Variants in AHDC1 observed in about 807,000 individuals in gnomAD.
AHDC1 encodes AT-hook DNA binding motif containing 1.
A neutral mutation model predicts 87.9 loss-of-function variants in AHDC1; 7 were observed. That is an observed-to-expected ratio of 0.08 (90% confidence interval 0.05 to 0.15). The LOEUF is 0.15. Among genes scored for constraint, AHDC1 ranks in the 10% least tolerant of loss-of-function variants. AHDC1 has a pLI of 1.00. For missense variants in AHDC1, 1,841 were observed against 2,253.2 expected, an observed-to-expected ratio of 0.82 and a Z score of 3.70; for synonymous variants, 1,051 against 1,006.8, an observed-to-expected ratio of 1.04 and a Z score of -0.83.
intron 3 of AHDC1, among the ~76,000 whole-genome samples, chr1:27,581,377 G>A (rs955649419): frequency 4.0e-5 from 6 of 151,368 alleles, no homozygotes; most frequent in Non-Finnish European, 8.8e-5. Flanking sequence ...AAAGCCCCTA[G>A]GTCTCATCAT....
At position 27,548,154 on chromosome 1, in the gene AHDC1, C is replaced by T; in HGVS notation, c.3962G>A (p.Ser1321Asn). 1 of 1,613,820 alleles carries T rather than the reference C, an allele frequency of 6.2e-7. No individual in the cohort carries two copies. The highest frequency in any genetic ancestry group is 8.5e-7 in the Non-Finnish European group (1 of 1,180,042). Residue 1321 changes from serine to asparagine, a missense_variant, in exon 8 of 9, where the codon AGC becomes AAC. Transcript: ENST00000673934. ...DLGLDYYSGD[S>N]SMSPLPSQSR... ...CTGTGAGGGCAGTGGTGACATGCTG[C>T]TGTCCCCGCTATAGTAGTCCAGGCC...
chr1:27,601,401 A>G (rs1434353076), intron 3 of AHDC1, among the ~76,000 whole-genome samples: 1 of 152,202 alleles, frequency 6.6e-6, no homozygotes, highest in Non-Finnish European at 1.5e-5. Context: ...CCACCTGGGC[A>G]TCTGCCCCAA....
rs1167763504 is a variant in AHDC1 at position 27,562,421 on chromosome 1, A to AG, written c.-628-3539dup. Among the ~76,000 whole-genome samples the AG allele has an allele frequency of 1.3e-5, 2 of 152,102 alleles. No individual in the cohort carries two copies. Among genetic ancestry groups the AG allele is most frequent in the South Asian group, 2.1e-4 (1 of 4,834 alleles). On this transcript the variant is annotated intron_variant, in intron 3 of 8. Transcript: ENST00000673934. The surrounding 1 kb of genome is among the most constrained non-coding windows in gnomAD (Gnocchi z 4.4). ...GAGCCTTAATTAGTTTAACAGTTTCAGGGGCAGGAGAGGCAGGAAATAGGG... is the reference window on the plus strand; with the variant it reads ...GAGCCTTAATTAGTTTAACAGTTTCAGGGGGCAGGAGAGGCAGGAAATAGGG...
Position 27,559,228 on chromosome 1 carries a change from A to T in AHDC1, c.-628-345T>A, listed in dbSNP as rs12048079. Reference sequence around the variant, plus strand: ...CACCATGCCTGGCTATTTTTTTTTTAAATTTTTTGTAGGGACAGGGTCTCA... The same window carrying T: ...CACCATGCCTGGCTATTTTTTTTTTTAATTTTTTGTAGGGACAGGGTCTCA... On this transcript the variant is annotated intron_variant, in intron 3 of 8. Coordinates refer to ENST00000673934, the MANE Select transcript of AHDC1 (RefSeq NM_001371928.1). Among the ~76,000 whole-genome samples, 3,105 of 150,230 alleles carry T rather than the reference A, an allele frequency of 0.021. 430 individuals are homozygous for T. The East Asian group carries it at 0.34, about 16-fold the overall frequency.
At chr1:27,578,461 C>T (rs2088818970) in intron 3 of AHDC1, among the ~76,000 whole-genome samples, 1 of 151,652 alleles carries the variant, frequency 6.6e-6, no homozygotes. Context: ...TGGTGGTGGG[C>T]ACCTGTAATC....
intron 3 of AHDC1, among the ~76,000 whole-genome samples, chr1:27,591,202 C>T (rs2089211024): frequency 6.6e-6 from 1 of 152,174 alleles, no homozygotes; most frequent in African/African-American, 2.4e-5. Context: ...AGGAGTCTGC[C>T]AACAGACCCC....
Position 27,547,797 on chromosome 1 carries a change from G to A in AHDC1, c.4319C>T (p.Ala1440Val). ...GTCCCGGCAGCTCAGGTGGGCCTGG[G>A]CTGCAGCTGCGTGGCCCAGGCTGGC... is the stretch of plus-strand genomic sequence containing the variant. ...QGASLGHAAAAQAHLSCRDLP... is the reference protein window; with the variant it reads ...QGASLGHAAAVQAHLSCRDLP... Residue 1440 changes from alanine to valine, a missense_variant, in exon 8 of 9, where the codon GCC becomes GTC. Coordinates refer to ENST00000673934, the MANE Select transcript of AHDC1 (RefSeq NM_001371928.1). The surrounding 1 kb of genome is among the most constrained non-coding windows in gnomAD (Gnocchi z 4.9). The A allele has an allele frequency of 6.4e-7, 1 of 1,566,660 alleles. No homozygotes were observed. Among genetic ancestry groups the A allele is most frequent in the South Asian group, 1.2e-5 (1 of 84,704 alleles).
At chr1:27,556,134 CAGTGCCGGGA>C (rs2019805620) in intron 5 of AHDC1, among the ~76,000 whole-genome samples, 1 of 152,110 alleles carries the variant, frequency 6.6e-6, no homozygotes, top group Non-Finnish European at 1.5e-5. Context: ...CTGCTGTGCA[CAGTGCCGGGA>C]AGCGCCAGCC....
At position 27,573,183 on chromosome 1, in the gene AHDC1, G is replaced by A. The variant is rs555004430; in HGVS notation, c.-628-14300C>T. ...AATCTCCGAGCTGACTTGGTTCTCT[G>A]TGTGCGCCTATCTCCTAGGACACAT... On this transcript the variant is annotated intron_variant, in intron 3 of 8. Transcript: ENST00000673934. Among the ~76,000 whole-genome samples the A allele has an allele frequency of 9.2e-5, 14 of 152,306 alleles. No homozygotes were observed. The South Asian group carries it at 2.9e-3, about 32-fold the overall frequency.
rs995669413 is a variant in AHDC1, at chr1:27,553,067, G to C, written c.-113+7C>G. 3.3e-5 allele frequency: 5 copies of C among 152,674 alleles called. No individual in the cohort carries two copies. The highest frequency in any genetic ancestry group is 7.3e-5 in the Non-Finnish European group (5 of 68,058). The allele number at this position is 152,674 out of a possible 1,614,324, so 9.5% of individuals were successfully genotyped here. The stretch of plus-strand genomic sequence containing the variant: ...AGCGCTCTGTCCAGCGCAGACACCC[G>C]GCTGACCTGGAAGAGAGAGGGCCCC... On this transcript the variant is annotated splice_region_variant and intron_variant, in intron 6 of 8. Coordinates refer to ENST00000673934, the MANE Select transcript of AHDC1 (RefSeq NM_001371928.1).
At chr1:27,564,327 AAAG>A (rs577212510) in intron 3 of AHDC1, among the ~76,000 whole-genome samples, 25 of 152,198 alleles carry the variant, frequency 1.6e-4, no homozygotes, top group African/African-American at 5.5e-4. Context: ...CCAGGGTCAG[AAAG>A]AAGAAGCTGA....
rs564860010 is a variant in AHDC1 at position 27,544,814 on chromosome 1, C to A, written c.*43+2447G>T. 4.6e-5 allele frequency among the ~76,000 whole-genome samples: 7 copies of A among 152,342 alleles called. No homozygotes were observed. In the South Asian group the frequency reaches 8.3e-4, roughly 18 times the overall value. On this transcript the variant is annotated intron_variant, in intron 8 of 8. Transcript: ENST00000673934. ...GCATGTGTGGACTACTGCAGCTGGT[C>A]TCCCTGCTTCAACACTAGCCCTGCT...
intron 1 of AHDC1, 32 bp downstream of exon 1, chr1:27,604,074 C>A: frequency 6.5e-6 from 1 of 154,364 alleles, no homozygotes; most frequent in South Asian, 1.8e-4. Flanking sequence ...CGCTCGCTCC[C>A]TCCCTCCGTC....
chr1:27,562,883 TCACA>T lies in AHDC1; in HGVS notation c.-628-4004_-628-4001del, dbSNP rs1299986934. Reference sequence around the variant, plus strand: ...CCTGCGACGGGCACATGGTGACATCTCACACACACAACAGCCAGAGACAGGCGCA... The same window carrying T: ...CCTGCGACGGGCACATGGTGACATCTCACACAACAGCCAGAGACAGGCGCA... On this transcript the variant is annotated intron_variant, in intron 3 of 8. Transcript: ENST00000673934. This position sits in a 1 kb window ranked among gnomAD's most constrained non-coding sequence, Gnocchi z 4.4. Among the ~76,000 whole-genome samples, 2 of 152,156 alleles carry T rather than the reference TCACA, an allele frequency of 1.3e-5. No individual in the cohort carries two copies. Among genetic ancestry groups the T allele is most frequent in the Non-Finnish European group, 2.9e-5 (2 of 68,006 alleles).
chr1:27,561,914 G>A lies in AHDC1; in HGVS notation c.-628-3031C>T, dbSNP rs971054449. The stretch of plus-strand genomic sequence containing the variant: ...GATGGAGAGGAAGGTAGAGAGAGGC[G>A]GGTGAGACCTTGTCAGAGGCTGAGG... On this transcript the variant is annotated intron_variant, in intron 3 of 8. Coordinates refer to ENST00000673934, the MANE Select transcript of AHDC1 (RefSeq NM_001371928.1). This position sits in a 1 kb window ranked among gnomAD's most constrained non-coding sequence, Gnocchi z 4.2. Among the ~76,000 whole-genome samples the A allele has an allele frequency of 3.9e-5, 6 of 152,024 alleles. No individual in the cohort carries two copies. Among genetic ancestry groups the A allele is most frequent in the Admixed American group, 1.3e-4 (2 of 15,256 alleles).
At chr1:27,585,192 G>T (rs2089017010) in intron 3 of AHDC1, among the ~76,000 whole-genome samples, 1 of 148,972 alleles carries the variant, frequency 6.7e-6, no homozygotes. Context: ...AGTCGAGGCT[G>T]CAGTGAGCCG....
At chr1:27,588,991 A>G (rs1448795437) in intron 3 of AHDC1, among the ~76,000 whole-genome samples, 1 of 152,066 alleles carries the variant, frequency 6.6e-6, no homozygotes, top group East Asian at 1.9e-4. Context: ...GAACATGTGC[A>G]TGAGGAGATG....
At chr1:27,575,946 T>TCGGGCTCGGGCTCTGCCCCGGCC (rs913328065) in intron 3 of AHDC1, among the ~76,000 whole-genome samples, 3 of 150,620 alleles carry the variant, frequency 2.0e-5, no homozygotes, top group African/African-American at 7.4e-5. Context: ...GCGATCCGGG[T>TCGGGCTCGGGCTCTGCCCCGGCC]CGGGCTCGGG....
chr1:27,580,960 G>A (rs1199412993), intron 3 of AHDC1, among the ~76,000 whole-genome samples: 9 of 151,946 alleles, frequency 5.9e-5, no homozygotes, highest in East Asian at 1.9e-4. Context: ...TCAGACTCCC[G>A]AGTAGCTAGG....
Sources: allele counts gnomAD v4.1 joint callset (sites outside exome capture counted in the v4.1 genomes callset), GRCh38; gene constraint gnomAD v4.1.1; non-coding constraint Gnocchi (gnomAD v3.1); transcripts MANE v1.5; gene names NCBI Gene and HGNC (gene_info 2026-07-23, HGNC 2026-07-21).